The following NSF variants were observed in gnomAD, a reference collection of about 807,000 sequenced individuals.
NSF encodes vesicle-fusing ATPase.
In NSF, 14 loss-of-function variants were observed where a neutral mutation model predicts 50.3. The ratio of observed to expected loss-of-function variants is 0.28; its 90% CI spans 0.18 to 0.44. The LOEUF (loss-of-function observed/expected upper bound fraction) is 0.44. NSF is among the 20% of genes least tolerant of loss of function. NSF has a pLI of 1.00. For synonymous variants in NSF, 109 were observed against 175.7 expected (o/e 0.62, Z 3.00); for missense variants, 218 against 504.3 (o/e 0.43, Z 5.44).
rs1470444475 is a variant in NSF at position 46,626,882 on chromosome 17, C to CT, written c.198+182dup. On this transcript the variant is annotated intron_variant, in intron 3 of 20. Coordinates refer to ENST00000398238, the MANE Select transcript of NSF (RefSeq NM_006178.4). ...ATACAGTCTTCTTTTTTTTTTTTTT[C>CT]TTTTTTTTTTTTAAGACAGGGTCTC... Among the ~76,000 whole-genome samples, 4 of 2,970 alleles carry CT rather than the reference C, an allele frequency of 1.3e-3. 1 individual carries two copies. Among genetic ancestry groups the CT allele is most frequent in the Non-Finnish European group, 0.012 (2 of 170 alleles). 1.9% of individuals were successfully genotyped at this position (2,970 alleles called of 152,430 possible). A position where few individuals can be genotyped will look rare whatever the true frequency, so the allele number is the denominator to read the frequency against.
intron 15 of NSF, 74 bp downstream of exon 15, chr17:46,714,060 G>T: frequency 6.9e-7 from 1 of 1,441,032 alleles, no homozygotes; most frequent in Non-Finnish European, 9.3e-7. Context: ...ATATGCCTTT[G>T]TACATGTATA....
chr17:46,598,598 G>A (rs1282733041), intron 1 of NSF, among the ~76,000 whole-genome samples: 1 of 152,090 alleles, frequency 6.6e-6, no homozygotes, highest in African/African-American at 2.4e-5. Context: ...CTTAGGAGTT[G>A]AAAGGGGTAT....
Position 46,610,027 on chromosome 17 carries a change from TTC to T in NSF, c.13-14201_13-14200del, listed in dbSNP as rs1555666763. ...TTTCTCTCTTTCTTTCTTTCTTTCT[TTC>T]TCTCTCTCTCTCTCTTTCTTTCTTT... On this transcript the variant is annotated intron_variant, in intron 1 of 20. Coordinates refer to ENST00000398238, the MANE Select transcript of NSF (RefSeq NM_006178.4). Among the ~76,000 whole-genome samples, 163 of 109,544 alleles carry T rather than the reference TTC, an allele frequency of 1.5e-3. 13 individuals are homozygous for T. Among genetic ancestry groups the T allele is most frequent in the African/African-American group, 4.8e-3 (146 of 30,470 alleles). The allele number at this position is 109,544 out of a possible 152,430, so 71.9% of individuals were successfully genotyped here. A position where few individuals can be genotyped will look rare whatever the true frequency, so the allele number is the denominator to read the frequency against.
intron 13 of NSF, among the ~76,000 whole-genome samples, chr17:46,707,731 G>A (rs2058670140): frequency 6.6e-6 from 1 of 151,960 alleles, no homozygotes; most frequent in South Asian, 2.1e-4. Flanking sequence ...TTTAAGGCTG[G>A]ATAATACTCC....
At chr17:46,714,262 G>C (rs1453784581) in intron 15 of NSF, among the ~76,000 whole-genome samples, 1 of 152,132 alleles carries the variant, frequency 6.6e-6, no homozygotes, top group Non-Finnish European at 1.5e-5. Flanking sequence ...TTGATTAAAA[G>C]AGTTATAGTT....
chr17:46,746,147 T>A (rs2059125597), intron 17 of NSF, among the ~76,000 whole-genome samples: 1 of 152,248 alleles, frequency 6.6e-6, no homozygotes, highest in South Asian at 2.1e-4. Context: ...TGTTGCATAT[T>A]CATCTAGGAA....
rs1328129827 is a variant in NSF, at chr17:46,719,288, A to ATAT, written c.1761+5303_1761+5304insATT. On this transcript the variant is annotated intron_variant, in intron 15 of 20. Transcript: ENST00000398238. The surrounding 1 kb of genome is among the most constrained non-coding windows in gnomAD (Gnocchi z 4.3). Reference sequence around the variant, plus strand: ...GTCTGAATTAGTTAATTCATAGAGCATCTTTACCTACCACTTTATTACTTA... The same window carrying ATAT: ...GTCTGAATTAGTTAATTCATAGAGCATATTCTTTACCTACCACTTTATTACTTA... 3.3e-5 allele frequency among the ~76,000 whole-genome samples: 5 copies of ATAT among 152,224 alleles called. No individual in the cohort carries two copies. The highest frequency in any genetic ancestry group is 1.5e-5 in the Non-Finnish European group (1 of 68,036).
At chr17:46,739,969 G>A (rs768991545) in intron 17 of NSF, among the ~76,000 whole-genome samples, 12 of 152,112 alleles carry the variant, frequency 7.9e-5, no homozygotes, top group Non-Finnish European at 1.8e-4. Context: ...CAAAGTGCTG[G>A]GATTACAGGC....
chr17:46,707,336 C>G (rs2058666841), intron 13 of NSF, among the ~76,000 whole-genome samples: 1 of 152,154 alleles, frequency 6.6e-6, no homozygotes, highest in Non-Finnish European at 1.5e-5. Flanking sequence ...TTGATTGATA[C>G]AAGTTCTTTA....
intron 13 of NSF, among the ~76,000 whole-genome samples, chr17:46,708,031 CAAAAAAA>C (rs35548565): frequency 1.2e-5 from 1 of 85,558 alleles, no homozygotes; most frequent in Admixed American, 1.4e-4. Flanking sequence ...GACCCTGTCT[CAAAAAAA>C]AAAAAAAAAA....
intron 15 of NSF, among the ~76,000 whole-genome samples, chr17:46,715,126 A>T (rs902553801): frequency 6.6e-6 from 1 of 152,234 alleles, no homozygotes; most frequent in Non-Finnish European, 1.5e-5. Context: ...TTGTAGCAGG[A>T]TTCCAGGCAT....
intron 19 of NSF, among the ~76,000 whole-genome samples, 191 bp downstream of exon 19, chr17:46,751,807 A>C (rs2059184340): frequency 6.6e-6 from 1 of 152,236 alleles, no homozygotes; most frequent in Non-Finnish European, 1.5e-5. Context: ...TTAACTTCTT[A>C]AAATTCAAAA....
At chr17:46,713,810 TAGGTTGGCTTTTTTCC>T (rs2058741856) in intron 14 of NSF, 27 bp from the exon 15 acceptor site, 1 of 1,592,900 alleles carries the variant, frequency 6.3e-7, no homozygotes, top group Non-Finnish European at 8.5e-7. Context: ...TCCCTTTGCT[TAGGTTGGCTTTTTTCC>T]CCTGACTTGC....
intron 15 of NSF, among the ~76,000 whole-genome samples, chr17:46,724,098 CTG>C (rs1236623953): frequency 6.6e-6 from 1 of 152,182 alleles, no homozygotes; most frequent in Non-Finnish European, 1.5e-5. Flanking sequence ...GTTCACATCT[CTG>C]TGTCTCCTAA....
chr17:46,734,475 C>T (rs114642212), intron 17 of NSF, among the ~76,000 whole-genome samples: 148,400 of 152,234 alleles, frequency 0.97, 72,422 homozygotes, highest in East Asian at 1. Context: ...ATTTATAATA[C>T]TCTCTTTAGG....
At chr17:46,720,564 C>T (rs887694375) in intron 15 of NSF, among the ~76,000 whole-genome samples, 3 of 152,102 alleles carry the variant, frequency 2.0e-5, no homozygotes, top group Admixed American at 6.6e-5. Flanking sequence ...TTGGTCTACT[C>T]CCAAGTTATT....
intron 13 of NSF, among the ~76,000 whole-genome samples, chr17:46,708,976 C>G (rs1175537377): frequency 2.0e-5 from 3 of 151,636 alleles, no homozygotes; most frequent in Admixed American, 1.3e-4. Flanking sequence ...AGGCTTGCGC[C>G]ACCATGCCCG....
intron 17 of NSF, among the ~76,000 whole-genome samples, chr17:46,729,383 A>G (rs2058926323): frequency 6.6e-6 from 1 of 152,190 alleles, no homozygotes; most frequent in Admixed American, 6.6e-5. Context: ...TATTTTTAAC[A>G]GATGATCTTG....
At chr17:46,707,206 T>C (rs1190457768) in intron 13 of NSF, among the ~76,000 whole-genome samples, 2 of 152,214 alleles carry the variant, frequency 1.3e-5, no homozygotes, top group African/African-American at 2.4e-5. Flanking sequence ...ATTTCAGTCT[T>C]GATTTGCATT....
Sources: allele counts gnomAD v4.1 joint callset (sites outside exome capture counted in the v4.1 genomes callset), GRCh38; gene constraint gnomAD v4.1.1; non-coding constraint Gnocchi (gnomAD v3.1); transcripts MANE v1.5; gene names NCBI Gene and HGNC (gene_info 2026-07-23, HGNC 2026-07-21).